Variants in PRKAR1A observed in about 807,000 individuals in gnomAD.
PRKAR1A encodes cAMP-dependent protein kinase type I-alpha regulatory subunit.
Under a neutral mutation model 52.0 loss-of-function variants are expected in PRKAR1A, and 3 were observed. The observed-to-expected ratio is 0.06, with a 90% CI of 0.03 to 0.15. PRKAR1A has a LOEUF of 0.15. Among genes scored for constraint, PRKAR1A ranks in the 10% least tolerant of loss-of-function variants. The pLI is 1.00. For synonymous variants in PRKAR1A, 188 were observed against 168.4 expected (o/e 1.12, Z -0.90); for missense variants, 240 against 477.4 (o/e 0.50, Z 4.63).
intron 11 of PRKAR1A, chr17:68,543,731 A>G: frequency 6.2e-7 from 1 of 1,612,368 alleles, no homozygotes; most frequent in East Asian, 2.2e-5. Context: ...TCTGGAAGGA[A>G]GGAAGGAATC....
the PRKAR1A span, chr17:68,436,359 C>T: frequency 9.3e-6 from 15 of 1,610,570 alleles, no homozygotes; most frequent in Non-Finnish European, 1.2e-5. Context: ...TGGGTTGGCT[C>T]AGCCAGGTCA....
chr17:68,514,104 A>G (rs76657672), intron 1 of PRKAR1A, among the ~76,000 whole-genome samples: 4,343 of 152,142 alleles, frequency 0.029, 186 homozygotes, highest in African/African-American at 0.099. Flanking sequence ...CAGCATGATT[A>G]TTTTTCCATG....
At chr17:68,524,648 G>T (rs959397736) in intron 5 of PRKAR1A, among the ~76,000 whole-genome samples, 3 of 150,820 alleles carry the variant, frequency 2.0e-5, no homozygotes, top group Non-Finnish European at 3.0e-5. Context: ...TGTTATAAAT[G>T]CCATAGCAGT....
At chr17:68,547,151 C>T (rs2086609882) in intron 11 of PRKAR1A, among the ~76,000 whole-genome samples, 1 of 152,152 alleles carries the variant, frequency 6.6e-6, no homozygotes, top group South Asian at 2.1e-4. Flanking sequence ...AATTTAGCAT[C>T]ACTCTTGAGG....
Position 68,547,595 on chromosome 17 carries a change from T to TG in PRKAR1A, c.974-3488dup, listed in dbSNP as rs1439613950. Among the ~76,000 whole-genome samples, 55 of 152,368 alleles carry TG rather than the reference T, an allele frequency of 3.6e-4. No homozygotes were observed. In the Middle Eastern group the frequency reaches 0.01, roughly 28 times the overall value. On this transcript the variant is annotated intron_variant, in intron 11 of 11. Coordinates refer to the PRKAR1A transcript ENST00000585981. ...AGATGGCTTTTTTCCTTAAGCCTGG[T>TG]GAACTAACCTCTGCTATCTTCCAAG...
intron 1 of PRKAR1A, 72 bp from the exon 2 acceptor site, chr17:68,515,318 AATTT>A (rs2085395134): frequency 6.5e-7 from 1 of 1,541,678 alleles, no homozygotes; most frequent in Non-Finnish European, 8.8e-7. Flanking sequence ...TTGTCTAATG[AATTT>A]AGCAAGTTAA....
At chr17:68,434,775 G>A in the PRKAR1A span, 1 of 742,998 alleles carries the variant, frequency 1.3e-6, no homozygotes, top group Non-Finnish European at 2.2e-6. Context: ...GTTTATTTAT[G>A]TGCCATATCA....
downstream of PRKAR1A, chr17:68,535,078 A>T (rs771970709): frequency 2.3e-4 from 82 of 359,896 alleles, 1 homozygote; most frequent in Middle Eastern, 2.0e-3. Flanking sequence ...GTTCCCGTTC[A>T]TTTTTTAGTT....
chr17:68,537,811 C>G (rs2086139473), downstream of PRKAR1A: 7 of 1,512,796 alleles, frequency 4.6e-6, no homozygotes, highest in Non-Finnish European at 6.3e-6. The surrounding 1 kb of genome is among the most constrained non-coding windows in gnomAD (Gnocchi z 4.2). Context: ...ACTTCTTTCC[C>G]CACAAACAGC....
the PRKAR1A span, among the ~76,000 whole-genome samples, chr17:68,424,081 G>GA: frequency 5.3e-5 from 8 of 152,172 alleles, no homozygotes; most frequent in Non-Finnish European, 8.8e-5. Context: ...GGGTGCAGAA[G>GA]AACGCCCTTT....
the PRKAR1A span, among the ~76,000 whole-genome samples, chr17:68,479,027 C>T: frequency 6.6e-6 from 1 of 152,196 alleles, no homozygotes; most frequent in Non-Finnish European, 1.5e-5. Context: ...CGCGCCCAGC[C>T]TAGGCAGTCT....
the PRKAR1A span, among the ~76,000 whole-genome samples, chr17:68,472,962 A>C: frequency 3.5e-4 from 54 of 152,190 alleles, no homozygotes; most frequent in Admixed American, 5.9e-4. Flanking sequence ...AAAGTAATAA[A>C]TAATAAATTG....
At chr17:68,489,237 ATATATATATATATATATATATATGGAAAG>A in the PRKAR1A span, among the ~76,000 whole-genome samples, 22 of 15,176 alleles carry the variant, frequency 1.4e-3, no homozygotes, top group African/African-American at 1.7e-3. Flanking sequence ...TATGGAAAGT[ATATATATATATATATATATATATGGAAAG>A]TATATATATA....
intron 7 of PRKAR1A, chr17:68,527,437 G>A: frequency 4.7e-6 from 1 of 214,784 alleles, no homozygotes; most frequent in Non-Finnish European, 9.5e-6. Context: ...GATAAATTGG[G>A]TTGGCAGTGG....
chr17:68,543,292 TATC>T (rs1461260050), intron 11 of PRKAR1A, among the ~76,000 whole-genome samples: 11 of 152,240 alleles, frequency 7.2e-5, no homozygotes, highest in South Asian at 2.1e-4. Flanking sequence ...TTTCACCTAA[TATC>T]ATAACAGTGA....
Position 68,530,827 on chromosome 17 carries a change from T to C in PRKAR1A, c.*378T>C, listed in dbSNP as rs1288308029. On this transcript the variant is annotated 3_prime_UTR_variant, in exon 11 of 11. Coordinates refer to ENST00000589228, the MANE Select transcript of PRKAR1A (RefSeq NM_002734.5). ...TTTTTAAGTGACATAATTGTCCAGT[T>C]ATAAGCGTATTTAGACTGTGGCCAT... 3 of 1,241,238 alleles carry C rather than the reference T, an allele frequency of 2.4e-6. No individual in the cohort carries two copies. Among genetic ancestry groups the C allele is most frequent in the East Asian group, 7.1e-5 (2 of 28,120 alleles). 76.9% of individuals were successfully genotyped at this position (1,241,238 alleles called of 1,614,324 possible). A position where few individuals can be genotyped will look rare whatever the true frequency, so the allele number is the denominator to read the frequency against.
At chr17:68,453,043 G>C in the PRKAR1A span, 2 of 1,491,596 alleles carry the variant, frequency 1.3e-6, no homozygotes, top group South Asian at 2.3e-5. Flanking sequence ...TCTAACAACA[G>C]ATCTGTCTGC....
chr17:68,544,262 C>T (rs1189398805), intron 11 of PRKAR1A, among the ~76,000 whole-genome samples: 1 of 152,100 alleles, frequency 6.6e-6, no homozygotes, highest in Non-Finnish European at 1.5e-5. Flanking sequence ...CTCAGAGAAA[C>T]ACAGCCGGAT....
chr17:68,480,444 A>T, the PRKAR1A span, among the ~76,000 whole-genome samples: 1 of 152,186 alleles, frequency 6.6e-6, no homozygotes, highest in Admixed American at 6.5e-5. Flanking sequence ...GGGTTCCCAG[A>T]CAACCCTGCT....
Sources: gnomAD v4.1 joint callset for allele counts (sites outside exome capture counted in the v4.1 genomes callset) on GRCh38, gnomAD v4.1.1 for gene constraint, Gnocchi (gnomAD v3.1) non-coding constraint, MANE v1.5 for transcripts, NCBI Gene and HGNC (gene_info 2026-07-23, HGNC 2026-07-21) for gene names.